HPSE2: variants seen among roughly 807,000 people sequenced by gnomAD.
The protein encoded by HPSE2 is inactive heparanase-2.
Under a neutral mutation model 60.5 loss-of-function variants are expected in HPSE2, and 38 were observed. The observed-to-expected ratio is 0.63, with a 90% CI of 0.48 to 0.82. The LOEUF is 0.82. Ranked by LOEUF, HPSE2 falls within the 40% of genes least tolerant of loss-of-function variation. The probability of loss-of-function intolerance (pLI) is 0.00; values close to 1 mark genes in which losing one functional copy is unlikely to be tolerated. For synonymous variants in HPSE2, 295 were observed against 293.2 expected (o/e 1.01, Z -0.06); for missense variants, 713 against 740.4 (o/e 0.96, Z 0.43).
At chr10:99,058,137 G>C (rs1026531907) in intron 3 of HPSE2, among the ~76,000 whole-genome samples, 1 of 152,142 alleles carries the variant, frequency 6.6e-6, no homozygotes, top group South Asian at 2.1e-4. Context: ...AGAGGGTTCC[G>C]GCAGAAAGGC....
At chr10:98,713,909 C>G (rs1366573439) in intron 5 of HPSE2, among the ~76,000 whole-genome samples, 1 of 151,904 alleles carries the variant, frequency 6.6e-6, no homozygotes, top group Non-Finnish European at 1.5e-5. Context: ...TCTGAATCAT[C>G]ATATATTATG....
rs113219717 is a variant in HPSE2, at chr10:98,902,575, C to T, written c.611-158519G>A. On this transcript the variant is annotated intron_variant, in intron 3 of 11. Coordinates refer to ENST00000370552, the MANE Select transcript of HPSE2 (RefSeq NM_021828.5). ...TCACCCTCTCAGGATATCAGTTTTCCTCTGTAAAATGGGAGGGTGTTGTCT... is the reference window on the plus strand; with the variant it reads ...TCACCCTCTCAGGATATCAGTTTTCTTCTGTAAAATGGGAGGGTGTTGTCT... Among the ~76,000 whole-genome samples, 326 of 152,142 alleles carry T rather than the reference C, an allele frequency of 2.1e-3. 2 individuals are homozygous for T. Among genetic ancestry groups the T allele is most frequent in the African/African-American group, 7.5e-3 (313 of 41,530 alleles).
chr10:99,108,484 A>G lies in HPSE2; in HGVS notation c.610+35754T>C, dbSNP rs1041836217. ...TCTGTTTCTTCCAATTTCACTGTAT[A>G]TATTTCATGGCTAACTTATTTTATC... On this transcript the variant is annotated intron_variant, in intron 3 of 11. Transcript: ENST00000370552. Among the ~76,000 whole-genome samples the G allele has an allele frequency of 3.9e-5, 6 of 152,276 alleles. No individual in the cohort carries two copies. In the East Asian group the frequency reaches 1.2e-3, roughly 29 times the overall value.
chr10:98,531,039 C>A (rs1291948212), intron 9 of HPSE2, among the ~76,000 whole-genome samples: 1 of 152,168 alleles, frequency 6.6e-6, no homozygotes, highest in Non-Finnish European at 1.5e-5. Context: ...TATCTCCGTG[C>A]CAGGCACTAT....
the HPSE2 span, among the ~76,000 whole-genome samples, chr10:99,305,687 A>C: frequency 6.6e-6 from 1 of 152,066 alleles, no homozygotes; most frequent in Non-Finnish European, 1.5e-5. Flanking sequence ...GGTCATACAG[A>C]TATTGGAGTT....
At chr10:99,062,377 C>A (rs1842473457) in intron 3 of HPSE2, among the ~76,000 whole-genome samples, 1 of 152,156 alleles carries the variant, frequency 6.6e-6, no homozygotes, top group African/African-American at 2.4e-5. Flanking sequence ...ACAACTAGTT[C>A]TCAGTTAGAC....
chr10:98,806,649 T>C (rs1368614561), intron 3 of HPSE2, among the ~76,000 whole-genome samples: 1 of 152,234 alleles, frequency 6.6e-6, no homozygotes, highest in African/African-American at 2.4e-5. Context: ...ATAATGGTGA[T>C]GATCTCATAG....
At chr10:98,895,959 T>G (rs1279551646) in intron 3 of HPSE2, among the ~76,000 whole-genome samples, 2 of 137,112 alleles carry the variant, frequency 1.5e-5, no homozygotes. Context: ...GGGGGAGGGA[T>G]AGCCTTAGGA....
chr10:99,288,540 T>A, the HPSE2 span, among the ~76,000 whole-genome samples: 3 of 151,880 alleles, frequency 2.0e-5, no homozygotes, highest in Admixed American at 6.6e-5. Flanking sequence ...GAAAAGTTTA[T>A]CTCCTTTCCA....
rs577560209 is a variant in HPSE2, at chr10:98,465,916, C to T, written c.1614-6177G>A. 3.9e-5 allele frequency among the ~76,000 whole-genome samples: 6 copies of T among 152,274 alleles called. No individual in the cohort carries two copies. The East Asian group carries it at 5.8e-4, about 15-fold the overall frequency. ...TCTGAGTTATTTTCCAATCCCTACA[C>T]TTGTTTTATTAATTTTGAATGTTAT... On this transcript the variant is annotated intron_variant, in intron 11 of 11. Transcript: ENST00000370552.
At chr10:98,631,423 AG>A (rs915564724) in intron 7 of HPSE2, among the ~76,000 whole-genome samples, 8 of 152,228 alleles carry the variant, frequency 5.3e-5, no homozygotes, top group African/African-American at 1.9e-4. Context: ...GAGATTGGAA[AG>A]TAGCCACTTG....
At chr10:98,850,691 C>G (rs895716093) in intron 3 of HPSE2, among the ~76,000 whole-genome samples, 5 of 140,874 alleles carry the variant, frequency 3.5e-5, no homozygotes, top group African/African-American at 1.3e-4. Context: ...GAGCGGAGAT[C>G]GCGCCACTGC....
intron 9 of HPSE2, among the ~76,000 whole-genome samples, chr10:98,536,798 T>C (rs1391503876): frequency 6.6e-6 from 1 of 152,250 alleles, no homozygotes; most frequent in East Asian, 1.9e-4. Context: ...CAGCCATGAA[T>C]GTAAGAGAGT....
intron 3 of HPSE2, among the ~76,000 whole-genome samples, chr10:99,118,350 T>C (rs1589685148): frequency 6.6e-6 from 1 of 151,698 alleles, no homozygotes; most frequent in South Asian, 2.1e-4. Flanking sequence ...GGTGAAACCC[T>C]GTCTCTACTA....
intron 2 of HPSE2, among the ~76,000 whole-genome samples, chr10:99,149,864 T>G (rs1846193568): frequency 7.1e-6 from 1 of 140,560 alleles, no homozygotes; most frequent in Non-Finnish European, 1.5e-5. Flanking sequence ...CCTATGCTTG[T>G]TTTTTTTTTT....
chr10:99,250,844 G>T, the HPSE2 span, among the ~76,000 whole-genome samples: 4 of 152,092 alleles, frequency 2.6e-5, no homozygotes, highest in Admixed American at 6.6e-5. Context: ...AAATCCCTGA[G>T]TTGTATCAAA....
At chr10:99,181,728 G>A (rs536087402) in intron 2 of HPSE2, among the ~76,000 whole-genome samples, 2 of 152,230 alleles carry the variant, frequency 1.3e-5, no homozygotes, top group South Asian at 2.1e-4. Context: ...TGGGACCTGT[G>A]GGGGTGGGGA....
chr10:99,201,915 T>C (rs1030331201), intron 2 of HPSE2, among the ~76,000 whole-genome samples: 1 of 152,142 alleles, frequency 6.6e-6, no homozygotes, highest in Non-Finnish European at 1.5e-5. Context: ...CCATACTCCA[T>C]GGTGGTAACT....
intron 3 of HPSE2, among the ~76,000 whole-genome samples, chr10:98,790,354 T>C (rs547061742): frequency 1.3e-5 from 2 of 152,294 alleles, no homozygotes; most frequent in Non-Finnish European, 2.9e-5. Flanking sequence ...AAGGTGGAAC[T>C]GGAGGGCATT....
Sources: gnomAD v4.1 joint callset for allele counts (sites outside exome capture counted in the v4.1 genomes callset) on GRCh38, gnomAD v4.1.1 for gene constraint, MANE v1.5 for transcripts, NCBI Gene and HGNC (gene_info 2026-07-23, HGNC 2026-07-21) for gene names.